PACRG: variants seen among roughly 807,000 people sequenced by gnomAD.
PACRG encodes the protein parkin coregulated.
In PACRG, 29 loss-of-function variants were observed where a neutral mutation model predicts 29.7. The observed-to-expected ratio is 0.98, with a 90% CI of 0.73 to 1.33. PACRG has a LOEUF of 1.33. Among genes scored for constraint, PACRG ranks in the 40% most tolerant of loss-of-function variants. The pLI, the probability that PACRG is intolerant of heterozygous loss-of-function variation, is 0.00. For synonymous variants in PACRG, 116 were observed against 118.7 expected, an observed-to-expected ratio of 0.98 and a Z score of 0.15; for missense variants, 279 against 316.2, an observed-to-expected ratio of 0.88 and a Z score of 0.89.
intron 2 of PACRG, among the ~76,000 whole-genome samples, chr6:162,823,613 G>A (rs978073970): frequency 2.0e-5 from 3 of 151,666 alleles, no homozygotes; most frequent in African/African-American, 4.8e-5. Context: ...CTGGGTTCAA[G>A]CGATTCTCCT....
At chr6:162,834,609 G>A (rs1473806839) in intron 2 of PACRG, among the ~76,000 whole-genome samples, 4 of 151,546 alleles carry the variant, frequency 2.6e-5, no homozygotes, top group Non-Finnish European at 5.9e-5. Context: ...TTTTTTAAAA[G>A]ATTTGATAAT....
chr6:163,102,091 C>T (rs1209863835), intron 4 of PACRG, among the ~76,000 whole-genome samples: 4 of 152,148 alleles, frequency 2.6e-5, no homozygotes, highest in African/African-American at 9.7e-5. Context: ...ATGTGTACAG[C>T]CACGGAAGGC....
intron 4 of PACRG, among the ~76,000 whole-genome samples, chr6:163,282,544 C>G (rs1195113495): frequency 6.6e-6 from 1 of 151,948 alleles, no homozygotes; most frequent in Non-Finnish European, 1.5e-5. Context: ...AACCCCATCT[C>G]TACTAAAAAT....
rs1203791350 is a variant in PACRG at position 162,782,817 on chromosome 6, G to A, written c.157-31330G>A. 4.6e-5 allele frequency among the ~76,000 whole-genome samples: 7 copies of A among 151,862 alleles called. No individual in the cohort carries two copies. The East Asian group carries it at 1.4e-3, about 29-fold the overall frequency. On this transcript the variant is annotated intron_variant, in intron 1 of 4. Coordinates refer to ENST00000366888, the MANE Select transcript of PACRG (RefSeq NM_001080379.2). ...AGTCAAAAGCTTTTATGGAAGCAAA[G>A]TTTTAGGAAAAATATTTTAAATATT...
intron 2 of PACRG, among the ~76,000 whole-genome samples, chr6:163,039,767 G>A (rs978678203): frequency 1.3e-5 from 2 of 152,166 alleles, no homozygotes; most frequent in East Asian, 3.9e-4. Context: ...TCAAGATGTG[G>A]CCTGGCTTTT....
At chr6:163,160,967 G>A (rs968567664) in intron 4 of PACRG, among the ~76,000 whole-genome samples, 1 of 152,142 alleles carries the variant, frequency 6.6e-6, no homozygotes, top group Non-Finnish European at 1.5e-5. Context: ...ATGTGAATAT[G>A]AGGCACCTGG....
intron 4 of PACRG, among the ~76,000 whole-genome samples, chr6:163,247,832 C>T (rs551677647): frequency 3.7e-4 from 57 of 152,166 alleles, no homozygotes; most frequent in Non-Finnish European, 7.3e-4. Flanking sequence ...AAAGCACCTA[C>T]CCCCAACTTC....
chr6:163,147,665 G>A (rs185835844), intron 4 of PACRG, among the ~76,000 whole-genome samples: 339 of 152,214 alleles, frequency 2.2e-3, no homozygotes, highest in Non-Finnish European at 3.7e-3. Context: ...CCAATAGTTA[G>A]CAAATGTTCC....
intron 2 of PACRG, among the ~76,000 whole-genome samples, chr6:162,836,328 G>A (rs114453716): frequency 0.01 from 1,570 of 152,180 alleles, 37 homozygotes; most frequent in African/African-American, 0.036. Context: ...TACAGGGGTA[G>A]TCAGAGGGCT....
intron 4 of PACRG, among the ~76,000 whole-genome samples, chr6:163,214,560 A>G (rs902588949): frequency 6.6e-6 from 1 of 151,922 alleles, no homozygotes; most frequent in Non-Finnish European, 1.5e-5. Context: ...CCATTCATAT[A>G]TATTTAATCT....
At chr6:162,774,976 A>G (rs910853645) in intron 1 of PACRG, among the ~76,000 whole-genome samples, 2 of 152,146 alleles carry the variant, frequency 1.3e-5, no homozygotes, top group African/African-American at 4.8e-5. Context: ...GGTTTACCCA[A>G]CGATGGCCTC....
At chr6:162,829,349 C>A (rs1421748169) in intron 2 of PACRG, among the ~76,000 whole-genome samples, 1 of 152,172 alleles carries the variant, frequency 6.6e-6, no homozygotes, top group African/African-American at 2.4e-5. Context: ...TCTGCTATGG[C>A]AGTTGTATAA....
intron 2 of PACRG, among the ~76,000 whole-genome samples, chr6:162,952,512 A>G (rs1344972221): frequency 6.6e-6 from 1 of 152,216 alleles, no homozygotes; most frequent in Non-Finnish European, 1.5e-5. Flanking sequence ...GTCCAGCCTC[A>G]AGTCTAAATT....
chr6:163,022,869 A>G (rs1237702998), intron 2 of PACRG, among the ~76,000 whole-genome samples: 1 of 152,328 alleles, frequency 6.6e-6, no homozygotes, highest in East Asian at 1.9e-4. Flanking sequence ...TTTCCATCCT[A>G]TTAAGAGCAG....
intron 2 of PACRG, among the ~76,000 whole-genome samples, chr6:162,972,782 T>C (rs1584910452): frequency 6.6e-6 from 1 of 152,204 alleles, no homozygotes; most frequent in East Asian, 1.9e-4. Flanking sequence ...AATTGTCTGC[T>C]CTACGTCTTC....
intron 2 of PACRG, among the ~76,000 whole-genome samples, chr6:163,059,981 G>T (rs1244439871): frequency 1.3e-5 from 2 of 152,118 alleles, no homozygotes; most frequent in Non-Finnish European, 2.9e-5. Context: ...GTTTGGAAAT[G>T]TTTAAGGTAG....
chr6:162,740,196 C>T (rs963412942), intron 1 of PACRG, among the ~76,000 whole-genome samples: 4 of 152,110 alleles, frequency 2.6e-5, no homozygotes, highest in Non-Finnish European at 2.9e-5. Flanking sequence ...TAGTTGACGT[C>T]GTTGCTTTCT....
Position 162,853,488 on chromosome 6 carries a change from C to T in PACRG, c.291+39207C>T, listed in dbSNP as rs1270205798. Reference sequence around the variant, plus strand: ...ACTGTGGTGTTCTCAGTCCTTGTAGCCAATCTTCTTGTTTTTATCACAGCC... The same window carrying T: ...ACTGTGGTGTTCTCAGTCCTTGTAGTCAATCTTCTTGTTTTTATCACAGCC... On this transcript the variant is annotated intron_variant, in intron 2 of 4. Transcript: ENST00000366888. This position sits in a 1 kb window ranked among gnomAD's most constrained non-coding sequence, Gnocchi z 4.7. Among the ~76,000 whole-genome samples, 4 of 152,280 alleles carry T rather than the reference C, an allele frequency of 2.6e-5. No homozygotes were observed. The highest frequency in any genetic ancestry group is 4.1e-4 in the South Asian group (2 of 4,822).
At chr6:163,160,819 A>C (rs1778525660) in intron 4 of PACRG, among the ~76,000 whole-genome samples, 1 of 151,810 alleles carries the variant, frequency 6.6e-6, no homozygotes, top group African/African-American at 2.4e-5. Context: ...AGGGAACAAA[A>C]CCCTCTCTTC....
Sources: allele counts gnomAD v4.1 joint callset (sites outside exome capture counted in the v4.1 genomes callset), GRCh38; gene constraint gnomAD v4.1.1; non-coding constraint Gnocchi (gnomAD v3.1); transcripts MANE v1.5; gene names NCBI Gene and HGNC (gene_info 2026-07-23, HGNC 2026-07-21).